Variants in RAB3GAP2 observed in about 807,000 individuals in gnomAD.
The protein encoded by RAB3GAP2 is rab3 GTPase-activating protein non-catalytic subunit.
Under a neutral mutation model 185.3 loss-of-function variants are expected in RAB3GAP2, and 87 were observed. The ratio of observed to expected loss-of-function variants is 0.47; its 90% confidence interval spans 0.39 to 0.56. The LOEUF is 0.56. RAB3GAP2 is among the 20% of genes least tolerant of loss of function. The probability of loss-of-function intolerance (pLI) is 0.00; values close to 1 mark genes in which losing one functional copy is unlikely to be tolerated. For synonymous variants in RAB3GAP2, 554 were observed against 576.1 expected, an observed-to-expected ratio of 0.96 and a Z score of 0.55; for missense variants, 1,492 against 1,638.2, an observed-to-expected ratio of 0.91 and a Z score of 1.54.
chr1:220,196,578 T>C (rs1329891544), intron 9 of RAB3GAP2, among the ~76,000 whole-genome samples, 180 bp from the exon 10 acceptor site: 2 of 152,008 alleles, frequency 1.3e-5, no homozygotes, highest in Non-Finnish European at 2.9e-5. Flanking sequence ...ACTCCTATAA[T>C]CCCAGCACTC....
At chr1:220,193,711 A>G (rs1032014282) in intron 12 of RAB3GAP2, among the ~76,000 whole-genome samples, 1 of 152,152 alleles carries the variant, frequency 6.6e-6, no homozygotes, top group Non-Finnish European at 1.5e-5. Flanking sequence ...ATATGCTCCC[A>G]CACAGGCATC....
At chr1:220,253,418 A>G (rs1405162222) in intron 1 of RAB3GAP2, among the ~76,000 whole-genome samples, 1 of 151,854 alleles carries the variant, frequency 6.6e-6, no homozygotes, top group African/African-American at 2.4e-5. Context: ...ACCCTATGGT[A>G]GAGTGGCCAG....
intron 12 of RAB3GAP2, among the ~76,000 whole-genome samples, chr1:220,193,891 A>T (rs983602413): frequency 6.6e-6 from 1 of 152,200 alleles, no homozygotes; most frequent in South Asian, 2.1e-4. Flanking sequence ...AAATAAAAGT[A>T]AAGAAGTACT....
chr1:220,234,903 T>C (rs919839930), intron 1 of RAB3GAP2, among the ~76,000 whole-genome samples: 9 of 152,250 alleles, frequency 5.9e-5, no homozygotes, highest in Non-Finnish European at 1.3e-4. Context: ...GTATTAAACA[T>C]TTCTGTATGC....
chr1:220,151,661 CCTT>C lies in RAB3GAP2; in HGVS notation c.3968_3970del (p.Glu1323del), dbSNP rs371310481. 1.3e-4 allele frequency: 205 copies of C among 1,612,142 alleles called. No homozygotes were observed. The East Asian group carries it at 4.5e-3, about 36-fold the overall frequency. On this transcript the variant is annotated inframe_deletion, in exon 34 of 35. Coordinates refer to ENST00000358951, the MANE Select transcript of RAB3GAP2 (RefSeq NM_012414.4). ...TGGAAGTCTGGCAAGCAGCTCCATT[CCTT>C]CTTTTGTCTGGGTGTGGAGAAGCGC...
chr1:220,252,117 C>T (rs1277317779), intron 1 of RAB3GAP2, among the ~76,000 whole-genome samples: 4 of 141,184 alleles, frequency 2.8e-5, no homozygotes, highest in Non-Finnish European at 6.0e-5. Flanking sequence ...GATGGCACAG[C>T]CTAGGTGATA....
intron 1 of RAB3GAP2, chr1:220,271,157 C>T (rs59599754): frequency 2.0e-5 from 3 of 152,180 alleles, no homozygotes; most frequent in Non-Finnish European, 2.9e-5. Flanking sequence ...GTCCACCAAC[C>T]TTATTTGGTT....
Position 220,151,233 on chromosome 1 carries a change from ATT to A in RAB3GAP2, c.*16_*17del. On this transcript the variant is annotated 3_prime_UTR_variant, in exon 35 of 35. Coordinates refer to ENST00000358951, the MANE Select transcript of RAB3GAP2 (RefSeq NM_012414.4). The stretch of plus-strand genomic sequence containing the variant: ...CATGTTATAATCATAATTTTAGACT[ATT>A]TCCAGTAGGTAAGTGTCATAAAGAA... 6.2e-7 allele frequency: 1 copy of A among 1,609,300 alleles called. No individual in the cohort carries two copies. The highest frequency in any genetic ancestry group is 8.5e-7 in the Non-Finnish European group (1 of 1,176,092).
chr1:220,206,248 T>A (rs1658964072), intron 7 of RAB3GAP2, among the ~76,000 whole-genome samples: 1 of 152,062 alleles, frequency 6.6e-6, no homozygotes, highest in Admixed American at 6.6e-5. Flanking sequence ...ATGCTGAGAG[T>A]AAATAAAGAA....
intron 17 of RAB3GAP2, among the ~76,000 whole-genome samples, chr1:220,186,743 T>C (rs1031877986): frequency 3.3e-5 from 5 of 152,200 alleles, no homozygotes; most frequent in African/African-American, 7.2e-5. Context: ...CACAGCTTCA[T>C]ACATGATTCA....
Position 220,190,073 on chromosome 1 carries a change from G to C in RAB3GAP2, c.1705C>G (p.Pro569Ala). Residue 569 changes from proline (P) to alanine (A), a missense_variant, in exon 16 of 35, where the codon CCC becomes GCC. Pro to Ala is a conservative substitution (Grantham distance 27). Transcript: ENST00000358951. The stretch of plus-strand genomic sequence containing the variant: ...ATGAGAGAATACCTACCAAGATTGG[G>C]AGATTTTGTTTTCAGTAAGGCTGCT... ...KLAALLKTKS[P>A]NLDLVETEIK... 1 of 1,609,454 alleles carries C rather than the reference G, an allele frequency of 6.2e-7. No individual in the cohort carries two copies. Among genetic ancestry groups the C allele is most frequent in the Non-Finnish European group, 8.5e-7 (1 of 1,175,896 alleles).
In RAB3GAP2 at chr1:220,172,734, G is replaced by A. The variant is rs1476316775; in HGVS notation, c.2319C>T (p.Leu773=). The stretch of plus-strand genomic sequence containing the variant: ...TTTCCTTTGAAAGCCAAACACTCAG[G>A]AGCAGAGACTGAAATCAAATTTAAA... ...GLSPQLLLSL[L]LSVWLSKEKD... is the part of the protein sequence containing the mutation. Residue 773 remains leucine, a synonymous_variant, in exon 22 of 35, where the codon CTC becomes CTT. Coordinates refer to ENST00000358951, the MANE Select transcript of RAB3GAP2 (RefSeq NM_012414.4). 2 of 1,605,570 alleles carry A rather than the reference G, an allele frequency of 1.2e-6. No homozygotes were observed. The highest frequency in any genetic ancestry group is 1.1e-5 in the South Asian group (1 of 90,884).
rs919668893 is a variant in RAB3GAP2, at chr1:220,158,730, C to T, written c.3261+656G>A. On this transcript the variant is annotated intron_variant, in intron 29 of 34. Transcript: ENST00000358951. This position sits in a 1 kb window ranked among gnomAD's most constrained non-coding sequence, Gnocchi z 4.3. ...TGCTAGGATTACAGGCGTGAGCCACCGCGCCCTGCCATATAATCTTTTTAA... is the reference window on the plus strand; with the variant it reads ...TGCTAGGATTACAGGCGTGAGCCACTGCGCCCTGCCATATAATCTTTTTAA... Among the ~76,000 whole-genome samples, 3 of 150,950 alleles carry T rather than the reference C, an allele frequency of 2.0e-5. No homozygotes were observed. The highest frequency in any genetic ancestry group is 1.3e-4 in the Admixed American group (2 of 15,128).
intron 1 of RAB3GAP2, among the ~76,000 whole-genome samples, chr1:220,244,652 A>C (rs1409452527): frequency 6.6e-6 from 1 of 152,206 alleles, no homozygotes; most frequent in African/African-American, 2.4e-5. Flanking sequence ...AGGACTTCAA[A>C]TTATACTACA....
At chr1:220,249,293 AG>A (rs1440780365) in intron 1 of RAB3GAP2, among the ~76,000 whole-genome samples, 2 of 152,194 alleles carry the variant, frequency 1.3e-5, no homozygotes, top group East Asian at 3.9e-4. Flanking sequence ...GACAGTGATA[AG>A]GACAATGAAG....
intron 33 of RAB3GAP2, among the ~76,000 whole-genome samples, chr1:220,152,156 G>A (rs1657769241): frequency 1.3e-5 from 2 of 152,096 alleles, no homozygotes; most frequent in South Asian, 4.1e-4. Flanking sequence ...GCTTACTGCA[G>A]CCTCCACCTC....
At chr1:220,250,559 A>G (rs959145781) in intron 1 of RAB3GAP2, among the ~76,000 whole-genome samples, 10 of 152,184 alleles carry the variant, frequency 6.6e-5, no homozygotes, top group Non-Finnish European at 1.2e-4. Context: ...ACATGATTGT[A>G]TTTTGAAATG....
At chr1:220,175,901 G>A (rs550448144) in intron 21 of RAB3GAP2, among the ~76,000 whole-genome samples, 1 of 152,262 alleles carries the variant, frequency 6.6e-6, no homozygotes, top group South Asian at 2.1e-4. Context: ...CTTCCAAACA[G>A]TCAAGCTTTT....
intron 27 of RAB3GAP2, among the ~76,000 whole-genome samples, 167 bp downstream of exon 27, chr1:220,164,566 C>T (rs1262716838): frequency 8.9e-5 from 13 of 146,280 alleles, no homozygotes; most frequent in Non-Finnish European, 1.6e-4. Context: ...CCTTGAACTA[C>T]TGGGCTCAAG....
Sources: gnomAD v4.1 joint callset for allele counts (sites outside exome capture counted in the v4.1 genomes callset) on GRCh38, gnomAD v4.1.1 for gene constraint, Gnocchi (gnomAD v3.1) non-coding constraint, MANE v1.5 for transcripts, NCBI Gene and HGNC (gene_info 2026-07-23, HGNC 2026-07-21) for gene names.